The following NME7 variants were observed in gnomAD, a reference collection of about 807,000 sequenced individuals.
NME7 encodes the protein NME/NM23 family member 7.
NME7 carries 41 observed loss-of-function variants against 49.1 expected under a neutral mutation model. The observed-to-expected ratio is 0.83, with a 90% CI of 0.65 to 1.08. The LOEUF (loss-of-function observed/expected upper bound fraction) is 1.08, where lower values mean the gene tolerates loss of function less well. Ranked by LOEUF, NME7 falls within the 50% of genes least tolerant of loss-of-function variation. The pLI, the probability that NME7 is intolerant of heterozygous loss-of-function variation, is 0.00. For missense variants in NME7, 423 were observed against 463.4 expected (o/e 0.91, Z 0.80); for synonymous variants, 139 against 150.6 (o/e 0.92, Z 0.56).
rs1053619459 is a variant in NME7, at chr1:169,315,424, C to T, written c.279-5344G>A. Among the ~76,000 whole-genome samples, 8 of 151,834 alleles carry T rather than the reference C, an allele frequency of 5.3e-5. No homozygotes were observed. In the East Asian group the frequency reaches 9.7e-4, roughly 18 times the overall value. ...GACTATAGGCACACGCCTCCACGGCCGGCTAATTTTTGTAATTTTTTAGTA... is the reference window on the plus strand; with the variant it reads ...GACTATAGGCACACGCCTCCACGGCTGGCTAATTTTTGTAATTTTTTAGTA... On this transcript the variant is annotated intron_variant, in intron 3 of 11. Coordinates refer to ENST00000367811, the MANE Select transcript of NME7 (RefSeq NM_013330.5).
chr1:169,211,969 A>G (rs1475396097), intron 10 of NME7, among the ~76,000 whole-genome samples: 1 of 152,076 alleles, frequency 6.6e-6, no homozygotes, highest in South Asian at 2.1e-4. Context: ...TTACTCTCTT[A>G]CTAGGTTGCA....
intron 10 of NME7, among the ~76,000 whole-genome samples, chr1:169,174,400 C>T (rs1486947450): frequency 6.6e-6 from 1 of 151,980 alleles, no homozygotes; most frequent in Non-Finnish European, 1.5e-5. Flanking sequence ...TTGAAAATGC[C>T]CTTCTATTTA....
Position 169,276,285 on chromosome 1 carries a change from T to C in NME7, c.754+11018A>G, listed in dbSNP as rs141815759. On this transcript the variant is annotated intron_variant, in intron 7 of 11. Coordinates refer to ENST00000367811, the MANE Select transcript of NME7 (RefSeq NM_013330.5). The stretch of plus-strand genomic sequence containing the variant: ...TGGTACCAGTTCCTCCTTGTACCTC[T>C]GGTACAATTCGGCTGTGAATCCATC... 8.1e-3 allele frequency among the ~76,000 whole-genome samples: 1,091 copies of C among 134,104 alleles called. 124 individuals are homozygous for C. Among genetic ancestry groups the C allele is most frequent in the African/African-American group, 0.026 (1,046 of 39,672 alleles). 88.0% of individuals were successfully genotyped at this position (134,104 alleles called of 152,430 possible). A position where few individuals can be genotyped will look rare whatever the true frequency, so the allele number is the denominator to read the frequency against.
chr1:169,323,014 G>C, intron 3 of NME7, 103 bp downstream of exon 3: 5 of 864,972 alleles, frequency 5.8e-6, no homozygotes, highest in Non-Finnish European at 8.1e-6. Context: ...CATTTTCCAG[G>C]TCCTATCCAT....
chr1:169,319,268 G>GA (rs1180123452), intron 3 of NME7, among the ~76,000 whole-genome samples: 1 of 151,806 alleles, frequency 6.6e-6, no homozygotes, highest in African/African-American at 2.4e-5. Flanking sequence ...TCTTCACATA[G>GA]AAAAAACGTA....
chr1:169,195,507 C>G (rs1012730963), intron 10 of NME7, among the ~76,000 whole-genome samples: 1 of 152,156 alleles, frequency 6.6e-6, no homozygotes, highest in Non-Finnish European at 1.5e-5. Flanking sequence ...GCCACTATGT[C>G]TGGTCAAAAG....
At chr1:169,328,280 A>G (rs1652137130) in intron 1 of NME7, among the ~76,000 whole-genome samples, 1 of 152,200 alleles carries the variant, frequency 6.6e-6, no homozygotes, top group Non-Finnish European at 1.5e-5. Context: ...CATTTTCCCC[A>G]TTTGAAAAAT....
At chr1:169,361,263 G>A (rs575499369) in intron 1 of NME7, among the ~76,000 whole-genome samples, 31 of 152,188 alleles carry the variant, frequency 2.0e-4, no homozygotes, top group African/African-American at 6.5e-4. Flanking sequence ...TTACTATTCC[G>A]TTCTCCAAAT....
chr1:169,215,250 G>C (rs752398719), intron 10 of NME7, among the ~76,000 whole-genome samples: 3 of 152,118 alleles, frequency 2.0e-5, no homozygotes, highest in Non-Finnish European at 2.9e-5. Context: ...ACCTCTTCTA[G>C]ATATCCAGCT....
intron 10 of NME7, among the ~76,000 whole-genome samples, chr1:169,189,249 C>G (rs1433994396): frequency 6.6e-6 from 1 of 152,108 alleles, no homozygotes; most frequent in African/African-American, 2.4e-5. Context: ...TACATATTAA[C>G]AGGTATTTTA....
intron 10 of NME7, among the ~76,000 whole-genome samples, chr1:169,197,981 T>C (rs2101773317): frequency 6.6e-6 from 1 of 152,192 alleles, no homozygotes; most frequent in East Asian, 1.9e-4. Flanking sequence ...AAGGGACTTT[T>C]ATTGATAACA....
intron 6 of NME7, 121 bp downstream of exon 6, chr1:169,298,435 C>T (rs1650797169): frequency 5.2e-6 from 5 of 954,540 alleles, no homozygotes; most frequent in Non-Finnish European, 7.8e-6. Context: ...CAAAGGTTTT[C>T]TCTACTACTA....
chr1:169,190,679 C>G (rs755045508), intron 10 of NME7: 20 of 444,582 alleles, frequency 4.5e-5, no homozygotes, highest in South Asian at 3.0e-4. Flanking sequence ...CCTAAATTCA[C>G]TTGTGAGAAA....
At chr1:169,199,426 T>C (rs937801789) in intron 10 of NME7, among the ~76,000 whole-genome samples, 2 of 149,356 alleles carry the variant, frequency 1.3e-5, no homozygotes, top group Admixed American at 6.8e-5. Flanking sequence ...TGAACTTAGA[T>C]AGATAACAGA....
At chr1:169,196,674 C>T (rs989002458) in intron 10 of NME7, among the ~76,000 whole-genome samples, 1 of 152,116 alleles carries the variant, frequency 6.6e-6, no homozygotes, top group Non-Finnish European at 1.5e-5. Flanking sequence ...AAGAGAAATT[C>T]TAAAAGTATG....
intron 10 of NME7, among the ~76,000 whole-genome samples, chr1:169,191,014 G>A (rs1660211279): frequency 1.3e-5 from 1 of 77,422 alleles, no homozygotes; most frequent in Admixed American, 1.2e-4. Context: ...GGGTTTCACC[G>A]TTTTAGCCGG....
chr1:169,202,935 T>C (rs541989371), intron 10 of NME7, among the ~76,000 whole-genome samples: 8 of 152,078 alleles, frequency 5.3e-5, no homozygotes, highest in Non-Finnish European at 7.4e-5. Flanking sequence ...ATGTGTCCCA[T>C]TGAGAGAAGA....
chr1:169,172,079 C>T (rs1044341918), intron 10 of NME7, among the ~76,000 whole-genome samples: 8 of 151,444 alleles, frequency 5.3e-5, no homozygotes, highest in African/African-American at 1.9e-4. Flanking sequence ...GCTCTTCATG[C>T]AGCCCTCCAA....
At chr1:169,357,951 C>A (rs990013266) in intron 1 of NME7, among the ~76,000 whole-genome samples, 19 of 152,052 alleles carry the variant, frequency 1.2e-4, no homozygotes, top group Non-Finnish European at 1.5e-5. Flanking sequence ...TGCCCCTATC[C>A]ACAAAAGTAT....
Sources: allele counts gnomAD v4.1 joint callset (sites outside exome capture counted in the v4.1 genomes callset), GRCh38; gene constraint gnomAD v4.1.1; transcripts MANE v1.5; gene names NCBI Gene and HGNC (gene_info 2026-07-23, HGNC 2026-07-21).